Variants in ADRA1B observed in about 807,000 individuals in gnomAD.
ADRA1B encodes the protein alpha-1B adrenergic receptor.
ADRA1B carries 17 observed loss-of-function variants against 17.9 expected under a neutral mutation model. The ratio of observed to expected loss-of-function variants is 0.95; its 90% CI spans 0.65 to 1.42. The LOEUF (loss-of-function observed/expected upper bound fraction) is 1.42. ADRA1B is among the 40% of genes most tolerant of loss of function. ADRA1B has a pLI of 0.00. For synonymous variants in ADRA1B, 366 were observed against 327.6 expected, an observed-to-expected ratio of 1.12 and a Z score of -1.27; for missense variants, 681 against 722.1, an observed-to-expected ratio of 0.94 and a Z score of 0.65.
upstream of ADRA1B, among the ~76,000 whole-genome samples, chr5:159,912,725 G>A (rs1036116445): frequency 2.0e-5 from 3 of 152,210 alleles, no homozygotes; most frequent in African/African-American, 7.2e-5. Flanking sequence ...CTCTCTGAAC[G>A]TCAGTTTCCT....
At chr5:159,965,775 A>G (rs1037793548) in intron 1 of ADRA1B, among the ~76,000 whole-genome samples, 9 of 152,172 alleles carry the variant, frequency 5.9e-5, no homozygotes, top group African/African-American at 2.2e-4. Context: ...GGAAGCAGGC[A>G]CGCCCCAGCA....
intron 1 of ADRA1B, among the ~76,000 whole-genome samples, chr5:159,904,200 G>T (rs975972010): frequency 1.3e-5 from 2 of 152,144 alleles, no homozygotes; most frequent in African/African-American, 4.8e-5. Flanking sequence ...AAGACTATGG[G>T]TCTGGACATT....
chr5:159,868,910 C>T (rs1753699780), intron 1 of ADRA1B: 1 of 152,134 alleles, frequency 6.6e-6, no homozygotes, highest in Non-Finnish European at 1.5e-5. Context: ...ACATAGTTTC[C>T]AGAAATTATC....
At position 159,917,592 on chromosome 5, in the gene ADRA1B, G is replaced by A. The variant is rs369120935; in HGVS notation, c.687G>A (p.Val229=). The change falls in exon 1 of 2, where the codon GTG becomes GTA. Residue 229 remains valine (V), a synonymous_variant. Transcript: ENST00000306675. ...TCATGTACTGCCGTGTCTATATAGT[G>A]GCCAAGAGAACCACCAAGAACCTAG... is the stretch of plus-strand genomic sequence containing the variant. ...ILVMYCRVYI[V]AKRTTKNLEA... 2.9e-5 allele frequency: 46 copies of A among 1,614,004 alleles called. No individual in the cohort carries two copies. The African/African-American group carries it at 4.8e-4, about 17-fold the overall frequency.
intron 1 of ADRA1B, among the ~76,000 whole-genome samples, chr5:159,945,748 GTTT>G (rs764853388): frequency 3.6e-5 from 4 of 112,368 alleles, no homozygotes; most frequent in Admixed American, 8.4e-5. Context: ...TTTTTTGTTT[GTTT>G]GTTTTTTTTT....
intron 1 of ADRA1B, among the ~76,000 whole-genome samples, chr5:159,954,473 C>G (rs1037260652): frequency 1.3e-5 from 2 of 152,172 alleles, no homozygotes; most frequent in African/African-American, 4.8e-5. Flanking sequence ...GATACCATCA[C>G]CTGGCAGGAT....
At chr5:159,934,509 T>G (rs536780416) in intron 1 of ADRA1B, among the ~76,000 whole-genome samples, 1 of 151,792 alleles carries the variant, frequency 6.6e-6, no homozygotes, top group Non-Finnish European at 1.5e-5. Context: ...CTAGAAGGAA[T>G]AGGGACTTGA....
At chr5:159,982,487 A>G in the ADRA1B span, among the ~76,000 whole-genome samples, 1 of 152,220 alleles carries the variant, frequency 6.6e-6, no homozygotes, top group Non-Finnish European at 1.5e-5. Context: ...ACAATGTTAG[A>G]ACAACACATC....
intron 1 of ADRA1B, among the ~76,000 whole-genome samples, chr5:159,944,769 T>A (rs112043321): frequency 1.1e-4 from 16 of 152,236 alleles, no homozygotes; most frequent in South Asian, 6.2e-4. Flanking sequence ...GAAATTGAAA[T>A]TCAGACAGTG....
At chr5:159,910,588 A>G (rs903516151) in intron 1 of ADRA1B, among the ~76,000 whole-genome samples, 1 of 152,250 alleles carries the variant, frequency 6.6e-6, no homozygotes, top group African/African-American at 2.4e-5. Flanking sequence ...TTTACCGGAC[A>G]GACGGTCTCT....
intron 1 of ADRA1B, among the ~76,000 whole-genome samples, chr5:159,962,347 T>TTC (rs1755679505): frequency 6.6e-6 from 1 of 152,178 alleles, no homozygotes; most frequent in Admixed American, 6.5e-5. Flanking sequence ...AAAACTGTCT[T>TTC]TCTCAGGGAC....
intron 1 of ADRA1B, chr5:159,951,230 A>G: frequency 1.2e-6 from 1 of 849,106 alleles, no homozygotes; most frequent in East Asian, 2.4e-5. Context: ...ATTCAGCGCC[A>G]GCATCGCCCC....
chr5:159,899,806 T>A (rs1488017733), intron 1 of ADRA1B, among the ~76,000 whole-genome samples: 1 of 152,192 alleles, frequency 6.6e-6, no homozygotes, highest in East Asian at 1.9e-4. Flanking sequence ...CTGCTATTAA[T>A]GTGTTGTGTG....
intron 1 of ADRA1B, among the ~76,000 whole-genome samples, chr5:159,946,567 C>T (rs1454152120): frequency 2.6e-5 from 4 of 152,236 alleles, no homozygotes; most frequent in Non-Finnish European, 4.4e-5. Context: ...TCCATATTCT[C>T]AGTCTTGCTT....
chr5:159,963,576 A>G (rs544709621), intron 1 of ADRA1B, among the ~76,000 whole-genome samples: 50 of 152,312 alleles, frequency 3.3e-4, no homozygotes, highest in African/African-American at 1.2e-3. Context: ...CACAGTCATG[A>G]TGGACTGCCT....
At chr5:159,964,124 A>C (rs1755729243) in intron 1 of ADRA1B, among the ~76,000 whole-genome samples, 1 of 152,228 alleles carries the variant, frequency 6.6e-6, no homozygotes, top group Admixed American at 6.5e-5. Flanking sequence ...TAGCACAAGA[A>C]ACCGTGAGTC....
At chr5:159,894,267 A>G (rs898368017) in intron 1 of ADRA1B, among the ~76,000 whole-genome samples, 1 of 152,212 alleles carries the variant, frequency 6.6e-6, no homozygotes, top group African/African-American at 2.4e-5. Context: ...CTTGGGATTT[A>G]TGTGCTGGTT....
chr5:159,934,807 G>T (rs1475334590), intron 1 of ADRA1B, among the ~76,000 whole-genome samples: 1 of 147,408 alleles, frequency 6.8e-6, no homozygotes, highest in Non-Finnish European at 1.5e-5. Flanking sequence ...GACAGAGCCA[G>T]ACTCCATCTC....
intron 1 of ADRA1B, among the ~76,000 whole-genome samples, chr5:159,897,380 G>C (rs1208801097): frequency 6.6e-6 from 1 of 152,102 alleles, no homozygotes; most frequent in Non-Finnish European, 1.5e-5. Flanking sequence ...CAGCTACTCG[G>C]GAGGCTGAGG....
Sources: gnomAD v4.1 joint callset for allele counts (sites outside exome capture counted in the v4.1 genomes callset) on GRCh38, gnomAD v4.1.1 for gene constraint, MANE v1.5 for transcripts, NCBI Gene and HGNC (gene_info 2026-07-23, HGNC 2026-07-21) for gene names.